The following PLG variants were observed in gnomAD, a reference collection of about 807,000 sequenced individuals.
PLG encodes plasmin.
In PLG, 41 loss-of-function variants were observed where a neutral mutation model predicts 104.4. The ratio of observed to expected loss-of-function variants is 0.39; its 90% confidence interval spans 0.31 to 0.51. PLG has a LOEUF of 0.51. Ranked by LOEUF, PLG falls within the 20% of genes least tolerant of loss-of-function variation. The pLI is 0.76. For missense variants in PLG, 891 were observed against 1,003.6 expected (o/e 0.89, Z 1.52); for synonymous variants, 337 against 357.1 (o/e 0.94, Z 0.63).
intron 17 of PLG, among the ~76,000 whole-genome samples, chr6:160,748,370 A>AG (rs1562383303): frequency 4.6e-4 from 19 of 41,436 alleles, no homozygotes; most frequent in African/African-American, 1.6e-3. Flanking sequence ...GAAAGAAAGA[A>AG]AGAAAGAAAG....
In PLG at chr6:160,739,639, T is replaced by G. The variant is rs950030244; in HGVS notation, c.2018+431T>G. ...GTTGGGTGTCTGGTGTGGGTGCCTG[T>G]AATCCCAGCTACTTGGGAGGCTGAG... is the stretch of plus-strand genomic sequence containing the variant. On this transcript the variant is annotated intron_variant, in intron 16 of 18. Coordinates refer to ENST00000308192, the MANE Select transcript of PLG (RefSeq NM_000301.5). This position sits in a 1 kb window ranked among gnomAD's most constrained non-coding sequence, Gnocchi z 4.4. Among the ~76,000 whole-genome samples, 1 of 151,860 alleles carries G rather than the reference T, an allele frequency of 6.6e-6. No individual in the cohort carries two copies. Among genetic ancestry groups the G allele is most frequent in the Non-Finnish European group, 1.5e-5 (1 of 67,946 alleles).
chr6:160,750,701 C>A (rs1012251959), intron 17 of PLG, among the ~76,000 whole-genome samples: 1 of 152,132 alleles, frequency 6.6e-6, no homozygotes, highest in Non-Finnish European at 1.5e-5. Context: ...TTTCTGAACC[C>A]GAGACAATGA....
Position 160,741,417 on chromosome 6 carries a change from G to A in PLG, c.2125G>A (p.Gly709Ser), listed in dbSNP as rs1237479945. Reference protein sequence around the residue: ...CFITGWGETQGTFGAGLLKEA... With the variant: ...CFITGWGETQSTFGAGLLKEA... ...CATCACTGGCTGGGGAGAAACCCAA[G>A]GTGAGATAAATTCCATTGCCCACAT... Residue 709 changes from glycine to serine, a missense_variant and splice_region_variant, in exon 17 of 19, where the codon GGT becomes AGT. By Grantham distance (56) the Gly-to-Ser change is moderately conservative. Transcript: ENST00000308192. The surrounding 1 kb of genome is among the most constrained non-coding windows in gnomAD (Gnocchi z 4.7). 1.3e-6 allele frequency: 2 copies of A among 1,591,546 alleles called. No homozygotes were observed. The highest frequency in any genetic ancestry group is 1.7e-6 in the Non-Finnish European group (2 of 1,159,412).
chr6:160,740,657 A>G lies in PLG; in HGVS notation c.2019-654A>G, dbSNP rs1778176568. On this transcript the variant is annotated intron_variant, in intron 16 of 18. Transcript: ENST00000308192. This position sits in a 1 kb window ranked among gnomAD's most constrained non-coding sequence, Gnocchi z 5.2. Reference sequence around the variant, plus strand: ...TATTTCCAATCCTTTATCCTCTTGAACTTACTAAAGTAGAATCAGGTCTAA... The same window carrying G: ...TATTTCCAATCCTTTATCCTCTTGAGCTTACTAAAGTAGAATCAGGTCTAA... 6.6e-6 allele frequency among the ~76,000 whole-genome samples: 1 copy of G among 152,218 alleles called. No individual in the cohort carries two copies. Among genetic ancestry groups the G allele is most frequent in the African/African-American group, 2.4e-5 (1 of 41,446 alleles).
rs1379907783 is a variant in PLG, at chr6:160,739,396, A to G, written c.2018+188A>G. On this transcript the variant is annotated intron_variant, in intron 16 of 18. Coordinates refer to ENST00000308192, the MANE Select transcript of PLG (RefSeq NM_000301.5). This position sits in a 1 kb window ranked among gnomAD's most constrained non-coding sequence, Gnocchi z 4.4. ...CCACATGCTAGCTGTGCTCTTGAGA[A>G]AGGCAGCAGGACTCCGTTTTCTCAT... Among the ~76,000 whole-genome samples, 1 of 152,096 alleles carries G rather than the reference A, an allele frequency of 6.6e-6. No individual in the cohort carries two copies. Among genetic ancestry groups the G allele is most frequent in the Non-Finnish European group, 1.5e-5 (1 of 68,022 alleles).
intron 17 of PLG, among the ~76,000 whole-genome samples, chr6:160,747,300 C>T (rs555571060): frequency 6.6e-6 from 1 of 152,320 alleles, no homozygotes; most frequent in African/African-American, 2.4e-5. Context: ...ATGGTATCAG[C>T]ACCTGTAATA....
rs1778018719 is a variant in PLG, at chr6:160,732,683, G to A, written c.1587+790G>A. 6.6e-6 allele frequency among the ~76,000 whole-genome samples: 1 copy of A among 152,072 alleles called. No individual in the cohort carries two copies. On this transcript the variant is annotated intron_variant, in intron 12 of 18. Coordinates refer to ENST00000308192, the MANE Select transcript of PLG (RefSeq NM_000301.5). This position sits in a 1 kb window ranked among gnomAD's most constrained non-coding sequence, Gnocchi z 4.5. ...TGCTAGAGTGGCTCACAGAACTCAG[G>A]GGAACACGTTACTTTTATTTACCCA...
Position 160,748,348 on chromosome 6 carries a change from AAG to A in PLG, c.2126-3763_2126-3762del, listed in dbSNP as rs1248061391. On this transcript the variant is annotated intron_variant, in intron 17 of 18. Transcript: ENST00000308192. ...AAAGAAGGAAAGAAGGAAGAAAAGAAAGAGAAAGAAAGAAAGAAAGAAAGAAA... is the reference window on the plus strand; with the variant it reads ...AAAGAAGGAAAGAAGGAAGAAAAGAAAGAAAGAAAGAAAGAAAGAAAGAAA... 6.1e-3 allele frequency among the ~76,000 whole-genome samples: 384 copies of A among 62,940 alleles called. 2 individuals are homozygous for A. The highest frequency in any genetic ancestry group is 0.02 in the African/African-American group (355 of 18,124). 41.3% of individuals were successfully genotyped at this position (62,940 alleles called of 152,430 possible).
intron 1 of PLG, among the ~76,000 whole-genome samples, chr6:160,702,596 T>G (rs1777439020): frequency 6.6e-6 from 1 of 152,142 alleles, no homozygotes; most frequent in Non-Finnish European, 1.5e-5. Context: ...TCTAAATGAG[T>G]GCACCCACAT....
Position 160,737,241 on chromosome 6 carries a change from A to T in PLG, c.1802+234A>T, listed in dbSNP as rs892829781. 2.6e-5 allele frequency among the ~76,000 whole-genome samples: 4 copies of T among 152,198 alleles called. No homozygotes were observed. Among genetic ancestry groups the T allele is most frequent in the Non-Finnish European group, 4.4e-5 (3 of 68,036 alleles). On this transcript the variant is annotated intron_variant, in intron 14 of 18. Transcript: ENST00000308192. This position sits in a 1 kb window ranked among gnomAD's most constrained non-coding sequence, Gnocchi z 4.7. ...TCTTTTTCTTGATCTGGGCAGCTCC[A>T]TCAAAATCTGTAGGCACAGTGATTT... is the stretch of plus-strand genomic sequence containing the variant.
rs4252083 is a variant in PLG, at chr6:160,711,453, A to T, written c.407+262A>T. ...TATTGTCATATTGTTATTTTCTGTCATCTTTTTCAAGTCTTTTCCATCCAC... is the reference window on the plus strand; with the variant it reads ...TATTGTCATATTGTTATTTTCTGTCTTCTTTTTCAAGTCTTTTCCATCCAC... On this transcript the variant is annotated intron_variant, in intron 4 of 18. Transcript: ENST00000308192. 12,873 of 920,706 alleles carry T rather than the reference A, an allele frequency of 0.014. 121 individuals carry two copies. The highest frequency in any genetic ancestry group is 0.017 in the Non-Finnish European group (10,478 of 613,102). 57.0% of individuals were successfully genotyped at this position (920,706 alleles called of 1,614,324 possible).
chr6:160,718,846 AG>A lies in PLG; in HGVS notation c.1096+11del. On this transcript the variant is annotated intron_variant, in intron 9 of 18. Coordinates refer to ENST00000308192, the MANE Select transcript of PLG (RefSeq NM_000301.5). ...AACAATTGGCTCCCACAGGTAAGCA[AG>A]GGTATGGGAGCTTACTGAGGGCCCA... 6.2e-7 allele frequency: 1 copy of A among 1,613,086 alleles called. No homozygotes were observed. The highest frequency in any genetic ancestry group is 1.7e-4 in the Middle Eastern group (1 of 6,054).
In PLG at chr6:160,752,920, G is replaced by T. The variant is rs1178151942; in HGVS notation, c.2292G>T (p.Leu764=). 6.2e-7 allele frequency: 1 copy of T among 1,613,612 alleles called. No homozygotes were observed. Among genetic ancestry groups the T allele is most frequent in the Non-Finnish European group, 8.5e-7 (1 of 1,179,694 alleles). ...TATAGGGTGACAGTGGAGGTCCTCT[G>T]GTTTGCTTCGAGAAGGACAAATACA... is the stretch of plus-strand genomic sequence containing the variant. The part of the protein sequence containing the change: ...DSCQGDSGGP[L]VCFEKDKYIL... The change falls in exon 19 of 19, where the codon CTG becomes CTT. Residue 764 remains leucine (L), a synonymous_variant. Coordinates refer to ENST00000308192, the MANE Select transcript of PLG (RefSeq NM_000301.5). This position sits in a 1 kb window ranked among gnomAD's most constrained non-coding sequence, Gnocchi z 4.7.
Position 160,709,961 on chromosome 6 carries a change from G to A in PLG, c.293-1116G>A, listed in dbSNP as rs544844194. On this transcript the variant is annotated intron_variant, in intron 3 of 18. Coordinates refer to ENST00000308192, the MANE Select transcript of PLG (RefSeq NM_000301.5). ...ACAAGTGTACTTGACACCTTTTGAC[G>A]TAGAGCAGAGGCTTTTCTTCTTCGA... Among the ~76,000 whole-genome samples the A allele has an allele frequency of 8.5e-5, 13 of 152,280 alleles. No homozygotes were observed. The South Asian group carries it at 2.3e-3, about 27-fold the overall frequency.
chr6:160,749,524 A>C (rs1347304713), intron 17 of PLG, among the ~76,000 whole-genome samples: 1 of 147,418 alleles, frequency 6.8e-6, no homozygotes, highest in Non-Finnish European at 1.5e-5. Flanking sequence ...ACTGCCATCA[A>C]CATCACCATC....
In PLG at chr6:160,723,429, A is replaced by G. The variant is rs1255681783; in HGVS notation, c.1256+862A>G. ...TAAACTGAGATAATTTAGAAAGGGAATCAAATGAGATCAACCCAATAACTA... is the reference window on the plus strand; with the variant it reads ...TAAACTGAGATAATTTAGAAAGGGAGTCAAATGAGATCAACCCAATAACTA... On this transcript the variant is annotated intron_variant, in intron 10 of 18. Coordinates refer to ENST00000308192, the MANE Select transcript of PLG (RefSeq NM_000301.5). This position sits in a 1 kb window ranked among gnomAD's most constrained non-coding sequence, Gnocchi z 4.7. Among the ~76,000 whole-genome samples, 2 of 152,290 alleles carry G rather than the reference A, an allele frequency of 1.3e-5. No individual in the cohort carries two copies. The highest frequency in any genetic ancestry group is 2.9e-5 in the Non-Finnish European group (2 of 68,014).
chr6:160,738,348 C>A lies in PLG; in HGVS notation c.1803-190C>A. The A allele has an allele frequency of 1.6e-6, 1 of 608,194 alleles. No individual in the cohort carries two copies. Among genetic ancestry groups the A allele is most frequent in the South Asian group, 1.8e-5 (1 of 56,904 alleles). The allele number at this position is 608,194 out of a possible 1,614,324, so 37.7% of individuals were successfully genotyped here. A position where few individuals can be genotyped will look rare whatever the true frequency, so the allele number is the denominator to read the frequency against. ...CATCGGAAAAATTGGCATAGATGGG[C>A]CCTTCTCAAAAATCCCACTCCTGGA... On this transcript the variant is annotated intron_variant, in intron 14 of 18. Coordinates refer to ENST00000308192, the MANE Select transcript of PLG (RefSeq NM_000301.5). This position sits in a 1 kb window ranked among gnomAD's most constrained non-coding sequence, Gnocchi z 6.8.
At chr6:160,721,873 T>TA (rs1396557741) in intron 9 of PLG, among the ~76,000 whole-genome samples, 1 of 152,224 alleles carries the variant, frequency 6.6e-6, no homozygotes, top group Non-Finnish European at 1.5e-5. Flanking sequence ...GGATTCCCTG[T>TA]AACTTCTCCA....
At chr6:160,713,460 G>A (rs1582934815) in intron 5 of PLG, 1 of 327,458 alleles carries the variant, frequency 3.1e-6, no homozygotes. Context: ...GTAGAGACAG[G>A]GTTTCTCCAC....
Sources: allele counts gnomAD v4.1 joint callset (sites outside exome capture counted in the v4.1 genomes callset), GRCh38; gene constraint gnomAD v4.1.1; non-coding constraint Gnocchi (gnomAD v3.1); transcripts MANE v1.5; gene names NCBI Gene and HGNC (gene_info 2026-07-23, HGNC 2026-07-21).